ESR1: variants seen among roughly 807,000 people sequenced by gnomAD.
ESR1 encodes the protein estrogen receptor 1, also known as estrogen receptor.
Under a neutral mutation model 52.7 loss-of-function variants are expected in ESR1, and 12 were observed. That is an observed-to-expected ratio of 0.23 (90% CI 0.15 to 0.37). The LOEUF is 0.37. ESR1 is among the 10% of genes least tolerant of loss of function. The pLI is 1.00. For missense variants in ESR1, 584 were observed against 779.7 expected, an observed-to-expected ratio of 0.75 and a Z score of 2.99; for synonymous variants, 305 against 316.8, an observed-to-expected ratio of 0.96 and a Z score of 0.39.
chr6:151,760,698 C>A (rs1464757585), intron 2 of ESR1, among the ~76,000 whole-genome samples: 3 of 152,194 alleles, frequency 2.0e-5, no homozygotes, highest in Non-Finnish European at 1.5e-5. Context: ...CCCCCAGCAC[C>A]TGCTCTTCCC....
intron 2 of ESR1, among the ~76,000 whole-genome samples, chr6:151,717,557 A>G (rs1001988940): frequency 6.6e-6 from 1 of 152,178 alleles, no homozygotes; most frequent in Non-Finnish European, 1.5e-5. Flanking sequence ...AATTTTCTTC[A>G]TATTGGCTTT....
At chr6:152,125,309 T>A (rs1406413720) in exon 7 of ESR1, 1 of 1,550,316 alleles carries the variant, frequency 6.5e-7, no homozygotes, top group Non-Finnish European at 8.7e-7. Flanking sequence ...TGAACTTGCA[T>A]CCTAAAATAT....
intron 1 of ESR1, among the ~76,000 whole-genome samples, chr6:151,815,187 A>T (rs1054909406): frequency 3.9e-5 from 6 of 152,356 alleles, no homozygotes; most frequent in East Asian, 3.9e-4. Flanking sequence ...AGAAGACCTT[A>T]CACAGAGTTG....
At chr6:151,755,759 T>C (rs1478031576) in intron 2 of ESR1, among the ~76,000 whole-genome samples, 1 of 152,116 alleles carries the variant, frequency 6.6e-6, no homozygotes, top group African/African-American at 2.4e-5. Flanking sequence ...GCCTCTTAAG[T>C]AGCTGGGATT....
At chr6:151,778,912 G>A (rs1010314610) in intron 2 of ESR1, among the ~76,000 whole-genome samples, 3 of 151,854 alleles carry the variant, frequency 2.0e-5, no homozygotes, top group African/African-American at 7.3e-5. Context: ...AGCATACAGA[G>A]CAGCAATTGT....
intron 5 of ESR1, among the ~76,000 whole-genome samples, chr6:152,034,100 G>A (rs1053446327): frequency 2.8e-4 from 41 of 148,830 alleles, no homozygotes; most frequent in Middle Eastern, 3.4e-3. Context: ...ATGAGAACAC[G>A]TGGACACAGG....
chr6:151,899,643 G>C (rs544605228), intron 3 of ESR1, among the ~76,000 whole-genome samples: 20 of 151,942 alleles, frequency 1.3e-4, no homozygotes, highest in Admixed American at 9.2e-4. Flanking sequence ...TCCCAGACGG[G>C]GTGGCTGCCG....
At position 151,863,643 on chromosome 6, in the gene ESR1, C is replaced by T. The variant is rs185586988; in HGVS notation, c.644-17012C>T. On this transcript the variant is annotated intron_variant, in intron 2 of 7. Transcript: ENST00000206249. ...AATTGAATACTCTTTATTTCTTTCT[C>T]CTGCCTAATTGCCCTGTCCAGAACT... is the stretch of plus-strand genomic sequence containing the variant. Among the ~76,000 whole-genome samples, 667 of 152,248 alleles carry T rather than the reference C, an allele frequency of 4.4e-3. 3 individuals carry two copies. The highest frequency in any genetic ancestry group is 0.014 in the African/African-American group (568 of 41,538).
intron 5 of ESR1, among the ~76,000 whole-genome samples, chr6:152,032,706 C>T (rs1466832366): frequency 6.6e-6 from 1 of 152,124 alleles, no homozygotes; most frequent in African/African-American, 2.4e-5. Context: ...ATGAAAATGG[C>T]CATACTGCCC....
At chr6:151,962,917 A>T (rs1000513877) in intron 4 of ESR1, among the ~76,000 whole-genome samples, 4 of 152,190 alleles carry the variant, frequency 2.6e-5, no homozygotes, top group African/African-American at 9.6e-5. Flanking sequence ...AATGTTTCTT[A>T]TAAATATATA....
At chr6:151,686,556 C>T (rs371758674), upstream of ESR1, among the ~76,000 whole-genome samples, 2 of 152,134 alleles carry the variant, frequency 1.3e-5, no homozygotes, top group Non-Finnish European at 2.9e-5. Context: ...GGCGTGGCGG[C>T]GGGCACCTGT....
intron 3 of ESR1, among the ~76,000 whole-genome samples, chr6:151,927,881 C>A (rs1029437330): frequency 6.0e-5 from 6 of 100,308 alleles, no homozygotes; most frequent in African/African-American, 1.1e-4. Context: ...ATACACTTGG[C>A]TAATTTTTTT....
intron 4 of ESR1, among the ~76,000 whole-genome samples, chr6:152,005,234 G>A (rs542115284): frequency 5.9e-5 from 9 of 152,042 alleles, no homozygotes; most frequent in Non-Finnish European, 8.8e-5. Flanking sequence ...AACCCCAAAC[G>A]TGCTTTCTTT....
chr6:151,981,239 A>G (rs977899743), intron 4 of ESR1, among the ~76,000 whole-genome samples: 2 of 152,090 alleles, frequency 1.3e-5, no homozygotes, highest in African/African-American at 4.8e-5. Context: ...CCTTGCTTTA[A>G]TTTCCCCCTA....
At chr6:151,840,680 G>T (rs1270038749) in intron 1 of ESR1, among the ~76,000 whole-genome samples, 1 of 152,178 alleles carries the variant, frequency 6.6e-6, no homozygotes, top group African/African-American at 2.4e-5. Flanking sequence ...GTATTTGGGT[G>T]GGGACTGGAA....
At position 152,094,450 on chromosome 6, in the gene ESR1, C is replaced by T. The variant is rs2050455302; in HGVS notation, c.1435C>T (p.Leu479=). ...AGAGAAGGACCATATCCACCGAGTC[C>T]TGGACAAGATCACAGACACTTTGAT... ...LEEKDHIHRV[L]DKITDTLIHL... The change falls in exon 7 of 8, where the codon CTG becomes TTG. Residue 479 remains leucine (L), a synonymous_variant. Coordinates refer to ENST00000206249, the MANE Select transcript of ESR1 (RefSeq NM_000125.4). This position sits in a 1 kb window ranked among gnomAD's most constrained non-coding sequence, Gnocchi z 4.6. 1 of 1,614,176 alleles carries T rather than the reference C, an allele frequency of 6.2e-7. No individual in the cohort carries two copies. Among genetic ancestry groups the T allele is most frequent in the Non-Finnish European group, 8.5e-7 (1 of 1,180,024 alleles).
chr6:152,076,731 G>A (rs2048764779), intron 6 of ESR1, among the ~76,000 whole-genome samples: 1 of 152,132 alleles, frequency 6.6e-6, no homozygotes, highest in South Asian at 2.1e-4. Context: ...TTATATCTTA[G>A]CAAAGAGACT....
intron 2 of ESR1, among the ~76,000 whole-genome samples, chr6:151,849,978 TTATATATA>T (rs66502837): frequency 0.019 from 1,582 of 84,084 alleles, 67 homozygotes; most frequent in African/African-American, 0.06. Context: ...TCCTAGGGAA[TTATATATA>T]TATATATATA....
rs1219442921 is a variant in ESR1, at chr6:151,704,954, A to AAG, written c.-71+2949_-71+2950insAG. 1.2e-3 allele frequency among the ~76,000 whole-genome samples: 175 copies of AAG among 150,652 alleles called. 2 individuals are homozygous for AAG. The highest frequency in any genetic ancestry group is 7.1e-3 in the South Asian group (34 of 4,792). ...GGGCTTAGATCCTGAAGTTTCCTTC[A>AAG]GAAACTTCAGGATCTAAGCCCTCTA... On this transcript the variant is annotated intron_variant, in intron 2 of 2. Coordinates refer to the ESR1 transcript ENST00000404742.
Sources: gnomAD v4.1 joint callset for allele counts (sites outside exome capture counted in the v4.1 genomes callset) on GRCh38, gnomAD v4.1.1 for gene constraint, Gnocchi (gnomAD v3.1) non-coding constraint, MANE v1.5 for transcripts, NCBI Gene and HGNC (gene_info 2026-07-23, HGNC 2026-07-21) for gene names.